CEP350: variants seen among roughly 807,000 people sequenced by gnomAD.
The protein encoded by CEP350 is centrosomal protein 350, also known as centrosome-associated protein 350.
A neutral mutation model predicts 331.8 loss-of-function variants in CEP350; 126 were observed. That is an observed-to-expected ratio of 0.38 (90% CI 0.33 to 0.44). The LOEUF (loss-of-function observed/expected upper bound fraction) is 0.44, where lower values mean the gene tolerates loss of function less well. Among genes scored for constraint, CEP350 ranks in the 20% least tolerant of loss-of-function variants. The probability of loss-of-function intolerance (pLI) is 1.00; values close to 1 mark genes in which losing one functional copy is unlikely to be tolerated. For synonymous variants in CEP350, 1,200 were observed against 1,259.5 expected (o/e 0.95, Z 1.00); for missense variants, 3,406 against 3,634.6 (o/e 0.94, Z 1.62).
intron 1 of CEP350, among the ~76,000 whole-genome samples, chr1:179,955,510 A>G (rs1264968466): frequency 3.3e-5 from 5 of 152,188 alleles, no homozygotes; most frequent in Non-Finnish European, 1.5e-5. Flanking sequence ...GACTGGCTCC[A>G]GTGGCAGGGA....
In CEP350 at chr1:180,053,898, C is replaced by G. The variant is rs531867386; in HGVS notation, c.5138C>G (p.Thr1713Ser). Reference sequence around the variant, plus strand: ...CGTGAAAAGGCCTTGAAGGAGAAGACTAAGGCTGAATTGGCCTGGTTAGAG... The same window carrying G: ...CGTGAAAAGGCCTTGAAGGAGAAGAGTAAGGCTGAATTGGCCTGGTTAGAG... ...RLREKALKEKTKAELAWLEHQ... is the reference protein window; with the variant it reads ...RLREKALKEKSKAELAWLEHQ... The change falls in exon 24 of 38, where the codon ACT becomes AGT. Residue 1713 changes from threonine to serine, a missense_variant. Physicochemically the swap from Thr to Ser is moderately conservative, Grantham distance 58 (BLOSUM62 1). Transcript: ENST00000367607. 6.8e-6 allele frequency: 11 copies of G among 1,608,304 alleles called. No individual in the cohort carries two copies. The highest frequency in any genetic ancestry group is 9.3e-6 in the Non-Finnish European group (11 of 1,176,766).
chr1:180,044,277 C>T (rs1347361011), intron 21 of CEP350, 104 bp downstream of exon 21: 16 of 1,165,816 alleles, frequency 1.4e-5, no homozygotes, highest in African/African-American at 1.6e-5. Context: ...TTAAATAGAA[C>T]AGTGTGTGCC....
chr1:180,004,888 TTGCTTGCTTG>T (rs1654122495), intron 7 of CEP350, among the ~76,000 whole-genome samples: 8 of 55,858 alleles, frequency 1.4e-4, no homozygotes, highest in African/African-American at 4.3e-4. Context: ...GCTTGCTTGC[TTGCTTGCTTG>T]CTTGCTTGCT....
chr1:179,994,006 A>G (rs1324323773), intron 5 of CEP350, among the ~76,000 whole-genome samples: 2 of 152,214 alleles, frequency 1.3e-5, no homozygotes, highest in African/African-American at 4.8e-5. Context: ...CCATTAGTCT[A>G]TCTAAGGATG....
intron 1 of CEP350, among the ~76,000 whole-genome samples, chr1:179,983,417 T>C (rs539068378): frequency 2.4e-4 from 36 of 152,192 alleles, no homozygotes; most frequent in African/African-American, 8.4e-4. Context: ...GTATTTTTAG[T>C]AGAGACAGGG....
chr1:179,959,301 C>T (rs114706673), intron 1 of CEP350, among the ~76,000 whole-genome samples: 9 of 151,854 alleles, frequency 5.9e-5, no homozygotes, highest in African/African-American at 1.2e-4. Context: ...ACTAAAAATA[C>T]GAAAACTAGC....
chr1:179,959,632 T>A (rs1650436117), intron 1 of CEP350, among the ~76,000 whole-genome samples: 1 of 152,012 alleles, frequency 6.6e-6, no homozygotes, highest in Non-Finnish European at 1.5e-5. Context: ...CAGGCTCCTA[T>A]AATCCCAGCT....
At position 180,090,816 on chromosome 1, in the gene CEP350, A is replaced by G; in HGVS notation, c.6508+20A>G. ...ATGTTGGTATGTAACTAGAAAAAATAATTAACTTGTAGCTACATAGTCTAA... is the reference window on the plus strand; with the variant it reads ...ATGTTGGTATGTAACTAGAAAAAATGATTAACTTGTAGCTACATAGTCTAA... On this transcript the variant is annotated intron_variant, in intron 33 of 37. Coordinates refer to ENST00000367607, the MANE Select transcript of CEP350 (RefSeq NM_014810.5). 3 of 1,526,180 alleles carry G rather than the reference A, an allele frequency of 2.0e-6. No homozygotes were observed. Among genetic ancestry groups the G allele is most frequent in the Non-Finnish European group, 2.6e-6 (3 of 1,133,780 alleles). The allele number at this position is 1,526,180 out of a possible 1,614,324, so 94.5% of individuals were successfully genotyped here. A position where few individuals can be genotyped will look rare whatever the true frequency, so the allele number is the denominator to read the frequency against.
intron 6 of CEP350, among the ~76,000 whole-genome samples, chr1:179,998,724 A>G (rs1302784250): frequency 6.6e-6 from 1 of 152,082 alleles, no homozygotes; most frequent in African/African-American, 2.4e-5. Flanking sequence ...GCAGTTTCTT[A>G]TAGTCCTAAG....
At chr1:180,029,415 A>G (rs1452218724) in intron 14 of CEP350, among the ~76,000 whole-genome samples, 1 of 152,250 alleles carries the variant, frequency 6.6e-6, no homozygotes, top group Non-Finnish European at 1.5e-5. Context: ...AGCAATAATC[A>G]GTATTAACAG....
At chr1:179,969,475 A>G in intron 1 of CEP350, 2 of 481,632 alleles carry the variant, frequency 4.2e-6, no homozygotes. Context: ...TGCTCAGGCC[A>G]CTGAATGGGT....
intron 1 of CEP350, among the ~76,000 whole-genome samples, chr1:179,959,589 T>C (rs1650433394): frequency 6.6e-6 from 1 of 151,674 alleles, no homozygotes; most frequent in African/African-American, 2.4e-5. Flanking sequence ...ACCCCATCTC[T>C]ACTAAAAGTA....
chr1:180,092,876 A>C lies in CEP350; in HGVS notation c.6771A>C (p.Glu2257Asp), dbSNP rs1268868934. The C allele has an allele frequency of 6.4e-7, 1 of 1,566,778 alleles. No individual in the cohort carries two copies. Among genetic ancestry groups the C allele is most frequent in the Non-Finnish European group, 8.7e-7 (1 of 1,154,606 alleles). Residue 2257 changes from glutamate to aspartate, a missense_variant, in exon 34 of 38, where the codon GAA (glutamate) becomes GAC (aspartate). By Grantham distance (45) the Glu-to-Asp change is conservative. Transcript: ENST00000367607. ...TTGGAGAATCTAGTAAAAAATCAGA[A>C]ATAAAAGAAATAGAGTATACAAAAT... ...GKVGESSKKS[E>D]IKEIEYTKLK...
intron 14 of CEP350, among the ~76,000 whole-genome samples, chr1:180,028,866 G>A (rs1655840664): frequency 6.6e-6 from 1 of 152,196 alleles, no homozygotes; most frequent in Non-Finnish European, 1.5e-5. Context: ...TTTAATGTAG[G>A]TTTAAAACAT....
chr1:180,079,477 C>T (rs946379618), intron 29 of CEP350, among the ~76,000 whole-genome samples: 7 of 151,678 alleles, frequency 4.6e-5, no homozygotes, highest in Admixed American at 1.3e-4. Flanking sequence ...AGAAGAAAAA[C>T]ATATTTTATT....
At chr1:179,974,125 A>C (rs192234921) in intron 1 of CEP350, among the ~76,000 whole-genome samples, 305 of 150,660 alleles carry the variant, frequency 2.0e-3, no homozygotes, top group African/African-American at 6.9e-3. Flanking sequence ...TGTTGCCCAG[A>C]CTGGAGTGCA....
rs1274800513 is a variant in CEP350, at chr1:180,074,138, A to T, written c.5568-884A>T. ...TTTTTAGTAAGTGTTTGTGCGATAC[A>T]TGTACGCATTTTTCTTGGTTAGCTA... On this transcript the variant is annotated intron_variant, in intron 27 of 37. Coordinates refer to ENST00000367607, the MANE Select transcript of CEP350 (RefSeq NM_014810.5). Among the ~76,000 whole-genome samples, 3 of 152,156 alleles carry T rather than the reference A, an allele frequency of 2.0e-5. 1 individual carries two copies. Among genetic ancestry groups the T allele is most frequent in the Admixed American group, 2.0e-4 (3 of 15,260 alleles).
At chr1:179,959,109 C>T (rs1650393851) in intron 1 of CEP350, among the ~76,000 whole-genome samples, 1 of 152,090 alleles carries the variant, frequency 6.6e-6, no homozygotes, top group Non-Finnish European at 1.5e-5. Flanking sequence ...TTTTAGAGAT[C>T]TACACATTTC....
chr1:180,056,082 C>T (rs1657823686), intron 25 of CEP350, among the ~76,000 whole-genome samples: 1 of 151,916 alleles, frequency 6.6e-6, no homozygotes, highest in African/African-American at 2.4e-5. Flanking sequence ...CATTTTGATA[C>T]ATCTGGTATT....
Sources: gnomAD v4.1 joint callset for allele counts (sites outside exome capture counted in the v4.1 genomes callset) on GRCh38, gnomAD v4.1.1 for gene constraint, MANE v1.5 for transcripts, NCBI Gene and HGNC (gene_info 2026-07-23, HGNC 2026-07-21) for gene names.